Variants in MIA2 observed in about 807,000 individuals in gnomAD.
MIA2 encodes melanoma inhibitory activity protein 2.
In MIA2, 127 loss-of-function variants were observed where a neutral mutation model predicts 167.8. The ratio of observed to expected loss-of-function variants is 0.76; its 90% CI spans 0.66 to 0.88. The LOEUF (loss-of-function observed/expected upper bound fraction) is 0.88, where lower values mean the gene tolerates loss of function less well. Among genes scored for constraint, MIA2 ranks in the 40% least tolerant of loss-of-function variants. The probability of loss-of-function intolerance (pLI) is 0.00; values close to 1 mark genes in which losing one functional copy is unlikely to be tolerated. For missense variants in MIA2, 1,690 were observed against 1,624.7 expected (o/e 1.04, Z -0.69); for synonymous variants, 552 against 541.9 (o/e 1.02, Z -0.26).
chr14:39,271,235 G>C (rs142699733), intron 6 of MIA2, among the ~76,000 whole-genome samples: 1 of 152,134 alleles, frequency 6.6e-6, no homozygotes, highest in African/African-American at 2.4e-5. Context: ...TTTTCTCATT[G>C]ATTTGTCTTA....
chr14:39,247,704 G>T lies in MIA2; in HGVS notation c.1130G>T (p.Trp377Leu), dbSNP rs1449784183. 1.9e-5 allele frequency: 30 copies of T among 1,611,282 alleles called. No individual in the cohort carries two copies. The highest frequency in any genetic ancestry group is 2.3e-5 in the Non-Finnish European group (27 of 1,179,362). The stretch of plus-strand genomic sequence containing the variant: ...GATAGCTTGAGTCTCAAGCCAAGTT[G>T]GTTTGATTTTGGTTTTGCTATACTA... ...TNDSLSLKPS[W>L]FDFGFAILGF... Residue 377 changes from tryptophan to leucine, a missense_variant, in exon 4 of 29, where the codon TGG becomes TTG. Trp to Leu is a moderately conservative substitution (Grantham distance 61, BLOSUM62 -2). Transcript: ENST00000640607.
At chr14:39,346,271 A>T (rs2274397) in intron 26 of MIA2, among the ~76,000 whole-genome samples, 28,237 of 152,130 alleles carry the variant, frequency 0.19, 2,715 homozygotes, top group Middle Eastern at 0.28. Flanking sequence ...TATGATGATA[A>T]ATTTTACTCT....
chr14:39,355,609 G>A (rs1478097047), downstream of MIA2, among the ~76,000 whole-genome samples: 3 of 152,150 alleles, frequency 2.0e-5, no homozygotes. Flanking sequence ...AGTGGTGAGA[G>A]AGGGCATCCC....
chr14:39,262,443 G>A (rs2055168647), intron 6 of MIA2, among the ~76,000 whole-genome samples: 2 of 152,168 alleles, frequency 1.3e-5, no homozygotes, highest in Admixed American at 1.3e-4. Flanking sequence ...TTGAAGTCAG[G>A]TAGCATGATG....
intron 23 of MIA2, among the ~76,000 whole-genome samples, chr14:39,379,950 C>T (rs2075120967): frequency 6.6e-6 from 1 of 152,142 alleles, no homozygotes; most frequent in Non-Finnish European, 1.5e-5. Flanking sequence ...AACCCCACCA[C>T]CTCCTGCAGT....
intron 25 of MIA2, among the ~76,000 whole-genome samples, chr14:39,332,014 G>A (rs1595725551): frequency 1.3e-5 from 2 of 152,254 alleles, no homozygotes; most frequent in Non-Finnish European, 2.9e-5. Context: ...AAGTTCTCCT[G>A]GCTAATATCC....
At chr14:39,309,000 T>C (rs1007601044) in intron 18 of MIA2, among the ~76,000 whole-genome samples, 3 of 152,216 alleles carry the variant, frequency 2.0e-5, no homozygotes, top group Non-Finnish European at 2.9e-5. Flanking sequence ...CAGTGTCCTT[T>C]ACTTAGTTAC....
intron 23 of MIA2, among the ~76,000 whole-genome samples, chr14:39,364,450 T>TC (rs2074771777): frequency 6.6e-6 from 1 of 151,856 alleles, no homozygotes; most frequent in South Asian, 2.1e-4. Context: ...TTTTTTGTTT[T>TC]GTTTTTTTTT....
intron 23 of MIA2, 76 bp from the exon 24 acceptor site, chr14:39,320,852 G>T: frequency 1.3e-6 from 2 of 1,496,582 alleles, no homozygotes; most frequent in Non-Finnish European, 1.8e-6. Context: ...GATGGTAATT[G>T]TCGAAATGGG....
Position 39,277,077 on chromosome 14 carries a change from G to A in MIA2, c.2019+12G>A. 1 of 1,608,622 alleles carries A rather than the reference G, an allele frequency of 6.2e-7. No individual in the cohort carries two copies. The highest frequency in any genetic ancestry group is 8.5e-7 in the Non-Finnish European group (1 of 1,178,332). On this transcript the variant is annotated intron_variant, in intron 7 of 28. Transcript: ENST00000640607. ...GAAGTTTTAGATCGGTAAGTAACCA[G>A]TGCTATACTAAGAGAATGTTCATTT...
intron 6 of MIA2, among the ~76,000 whole-genome samples, chr14:39,271,829 C>T (rs905661908): frequency 6.6e-5 from 10 of 151,712 alleles, no homozygotes; most frequent in African/African-American, 9.7e-5. Context: ...ATTAGGCATG[C>T]GGACCCCAGA....
At position 39,386,307 on chromosome 14, in the gene MIA2, C is replaced by T. The variant is rs953888973; in HGVS notation, c.2249-578C>T. The T allele has an allele frequency of 9.4e-6, 14 of 1,484,830 alleles. No homozygotes were observed. In the Admixed American group the frequency reaches 2.3e-4, roughly 25 times the overall value. 92.0% of individuals were successfully genotyped at this position (1,484,830 alleles called of 1,614,324 possible). ...GAGGAATTTCTGGCCTCCAAAGTGA[C>T]TGTGCTGGGACCATCACTGATAGCT... On this transcript the variant is annotated intron_variant, in intron 23 of 23. Transcript: ENST00000341502.
At chr14:39,263,985 T>C (rs1175207647) in intron 6 of MIA2, among the ~76,000 whole-genome samples, 1 of 152,150 alleles carries the variant, frequency 6.6e-6, no homozygotes, top group Non-Finnish European at 1.5e-5. Flanking sequence ...GGGGTACATG[T>C]ACAGGTTTGT....
Position 39,356,535 on chromosome 14 carries a change from T to G in MIA2, c.2248+7558T>G, listed in dbSNP as rs909274783. Among the ~76,000 whole-genome samples, 4 of 152,298 alleles carry G rather than the reference T, an allele frequency of 2.6e-5. No homozygotes were observed. In the South Asian group the frequency reaches 6.2e-4, roughly 24 times the overall value. On this transcript the variant is annotated intron_variant, in intron 23 of 23. Transcript: ENST00000341502. Reference sequence around the variant, plus strand: ...GGATTCACTGATTTTTTTGAAGGGTTTTTTGTGTCTCTATCTCCTTCAGTT... The same window carrying G: ...GGATTCACTGATTTTTTTGAAGGGTGTTTTGTGTCTCTATCTCCTTCAGTT...
intron 3 of MIA2, among the ~76,000 whole-genome samples, chr14:39,242,702 G>A (rs2054106749): frequency 6.6e-6 from 1 of 152,154 alleles, no homozygotes; most frequent in South Asian, 2.1e-4. Flanking sequence ...CAGGCACAAA[G>A]TAGCACACAG....
chr14:39,381,684 TC>T (rs1567062847), intron 23 of MIA2, among the ~76,000 whole-genome samples: 1 of 130,938 alleles, frequency 7.6e-6, no homozygotes, highest in African/African-American at 3.1e-5. Flanking sequence ...TTTTTCTTTT[TC>T]TTTTTTTTCC....
chr14:39,249,121 G>A (rs2054443724), intron 4 of MIA2, among the ~76,000 whole-genome samples: 1 of 152,028 alleles, frequency 6.6e-6, no homozygotes, highest in East Asian at 1.9e-4. Flanking sequence ...TTCCTAAGAA[G>A]AACTAGGATA....
intron 13 of MIA2, among the ~76,000 whole-genome samples, chr14:39,299,613 A>T (rs1450196908): frequency 4.6e-5 from 7 of 152,176 alleles, no homozygotes; most frequent in Admixed American, 4.6e-4. Context: ...GATATTTTAT[A>T]TGGGATATAA....
At chr14:39,250,904 G>A (rs925910096) in intron 4 of MIA2, among the ~76,000 whole-genome samples, 1 of 151,488 alleles carries the variant, frequency 6.6e-6, no homozygotes, top group African/African-American at 2.4e-5. Context: ...TTAACAAAGT[G>A]GGCTATTCCA....
Sources: gnomAD v4.1 joint callset for allele counts (sites outside exome capture counted in the v4.1 genomes callset) on GRCh38, gnomAD v4.1.1 for gene constraint, MANE v1.5 for transcripts, NCBI Gene and HGNC (gene_info 2026-07-23, HGNC 2026-07-21) for gene names.